Variants in ANXA10 observed in about 807,000 individuals in gnomAD.
ANXA10 encodes the protein annexin A10, also known as annexin 14.
A neutral mutation model predicts 53.5 loss-of-function variants in ANXA10; 49 were observed. The ratio of observed to expected loss-of-function variants is 0.92; its 90% confidence interval spans 0.73 to 1.16. The LOEUF is 1.16. ANXA10 is among the 50% of genes most tolerant of loss of function. The probability of loss-of-function intolerance (pLI) is 0.00; values close to 1 mark genes in which losing one functional copy is unlikely to be tolerated. For missense variants in ANXA10, 393 were observed against 394.4 expected, an observed-to-expected ratio of 1.00 and a Z score of 0.03; for synonymous variants, 131 against 128.9, an observed-to-expected ratio of 1.02 and a Z score of -0.11.
In ANXA10 at chr4:168,187,534, C is replaced by G. The variant is rs565680074; in HGVS notation, c.*100C>G. The G allele has an allele frequency of 7.8e-6, 5 of 643,888 alleles. No individual in the cohort carries two copies. The highest frequency in any genetic ancestry group is 1.2e-5 in the Non-Finnish European group (5 of 400,564). 39.9% of individuals were successfully genotyped at this position (643,888 alleles called of 1,614,324 possible). On this transcript the variant is annotated 3_prime_UTR_variant, in exon 12 of 12. Coordinates refer to ENST00000359299, the MANE Select transcript of ANXA10 (RefSeq NM_007193.5). ...ACTGTTCATGGCACTATTAACAAAA[C>G]TATACAATCATATTTTCTCTTCTAT...
intron 1 of ANXA10, among the ~76,000 whole-genome samples, chr4:168,108,464 A>AC (rs1358494663): frequency 6.6e-6 from 1 of 152,082 alleles, no homozygotes; most frequent in African/African-American, 2.4e-5. Flanking sequence ...TTTCTTTGGG[A>AC]CCATTATAGG....
At chr4:168,165,516 A>C (rs904309146) in intron 6 of ANXA10, among the ~76,000 whole-genome samples, 190 bp downstream of exon 6, 2 of 152,110 alleles carry the variant, frequency 1.3e-5, no homozygotes, top group Non-Finnish European at 2.9e-5. Context: ...GTTAAAGACA[A>C]ATATGGATAA....
intron 6 of ANXA10, among the ~76,000 whole-genome samples, chr4:168,165,602 T>G (rs1166161341): frequency 6.6e-6 from 1 of 152,112 alleles, no homozygotes; most frequent in Non-Finnish European, 1.5e-5. Context: ...TATAATTAAT[T>G]TTATATTCTG....
At chr4:168,147,506 G>C (rs1731424689) in intron 3 of ANXA10, among the ~76,000 whole-genome samples, 1 of 152,164 alleles carries the variant, frequency 6.6e-6, no homozygotes, top group African/African-American at 2.4e-5. Context: ...ATAGGTAGTA[G>C]CACTTCTTAC....
chr4:168,137,167 A>G (rs1253439812), intron 2 of ANXA10, among the ~76,000 whole-genome samples: 3 of 152,186 alleles, frequency 2.0e-5, no homozygotes, highest in African/African-American at 7.2e-5. Flanking sequence ...CCATTTAAAC[A>G]CTAATCAGCT....
intron 3 of ANXA10, among the ~76,000 whole-genome samples, chr4:168,150,380 G>A (rs933826639): frequency 6.6e-6 from 1 of 152,098 alleles, no homozygotes; most frequent in African/African-American, 2.4e-5. Flanking sequence ...GCAAAGTGAC[G>A]AAGCAACTTG....
chr4:168,169,517 G>A (rs1473716692), intron 6 of ANXA10, among the ~76,000 whole-genome samples: 2 of 152,158 alleles, frequency 1.3e-5, no homozygotes, highest in African/African-American at 2.4e-5. Flanking sequence ...TCCCATAGGT[G>A]TTGATCCCAA....
intron 6 of ANXA10, among the ~76,000 whole-genome samples, chr4:168,176,839 A>G (rs1212956445): frequency 6.9e-6 from 1 of 145,794 alleles, no homozygotes; most frequent in Non-Finnish European, 1.5e-5. Flanking sequence ...TCTTTTTGAG[A>G]AAAAAAAAAA....
intron 3 of ANXA10, among the ~76,000 whole-genome samples, chr4:168,145,082 G>T (rs1412580364): frequency 6.6e-6 from 1 of 152,144 alleles, no homozygotes; most frequent in Non-Finnish European, 1.5e-5. Context: ...AGTCAAAGCT[G>T]TCCTCCTCCA....
chr4:168,162,549 G>C lies in ANXA10; in HGVS notation c.217G>C (p.Glu73Gln), dbSNP rs1731804419. ...YGRDLIGDMR[E>Q]QLSDHFKDVM... is the part of the protein sequence containing the mutation. ...ACAGGACCTGATTGGGGATATGAGG[G>C]AGCAGCTTTCGGATCACTTCAAAGA... Residue 73 changes from glutamate to glutamine, a missense_variant, in exon 4 of 12, where the codon GAG becomes CAG. Transcript: ENST00000359299. 5 of 1,613,824 alleles carry C rather than the reference G, an allele frequency of 3.1e-6. No individual in the cohort carries two copies. Among genetic ancestry groups the C allele is most frequent in the Non-Finnish European group, 4.2e-6 (5 of 1,179,848 alleles).
intron 3 of ANXA10, among the ~76,000 whole-genome samples, chr4:168,151,446 G>A (rs1731495384): frequency 6.6e-6 from 1 of 152,130 alleles, no homozygotes; most frequent in Non-Finnish European, 1.5e-5. Flanking sequence ...TGCAGCAAGG[G>A]TAGTCTGCAG....
chr4:168,147,315 T>C (rs1428837355), intron 3 of ANXA10, among the ~76,000 whole-genome samples: 1 of 152,180 alleles, frequency 6.6e-6, no homozygotes, highest in Non-Finnish European at 1.5e-5. Context: ...AAGAGTCCAA[T>C]AGCAGGCCAG....
chr4:168,134,591 C>A (rs145656328), intron 2 of ANXA10, among the ~76,000 whole-genome samples: 10 of 152,222 alleles, frequency 6.6e-5, no homozygotes, highest in African/African-American at 2.2e-4. Flanking sequence ...TTTAGAATGT[C>A]CATCATGCCA....
At chr4:168,119,372 C>T (rs1730950294) in intron 1 of ANXA10, among the ~76,000 whole-genome samples, 1 of 152,126 alleles carries the variant, frequency 6.6e-6, no homozygotes, top group Non-Finnish European at 1.5e-5. Context: ...TTGCAGATGT[C>T]CTTGACTCAT....
At chr4:168,168,565 A>C (rs1157709416) in intron 6 of ANXA10, among the ~76,000 whole-genome samples, 2 of 152,052 alleles carry the variant, frequency 1.3e-5, no homozygotes, top group Admixed American at 6.5e-5. Context: ...GATTACAGGC[A>C]CGTGCCACCA....
chr4:168,096,932 A>ATGTAT (rs2149463392), intron 1 of ANXA10, among the ~76,000 whole-genome samples: 1 of 141,810 alleles, frequency 7.1e-6, no homozygotes, highest in Non-Finnish European at 1.6e-5. Flanking sequence ...ATATATATGT[A>ATGTAT]TGTATATGTA....
chr4:168,119,630 G>A (rs1284925550), intron 1 of ANXA10, among the ~76,000 whole-genome samples: 1 of 152,044 alleles, frequency 6.6e-6, no homozygotes, highest in African/African-American at 2.4e-5. Context: ...TATGTCTTTG[G>A]TTAATATATG....
intron 1 of ANXA10, among the ~76,000 whole-genome samples, chr4:168,116,996 G>GATACACACACAC (rs1553997131): frequency 4.0e-5 from 6 of 151,014 alleles, no homozygotes; most frequent in Non-Finnish European, 8.9e-5. Flanking sequence ...TTTTCACACA[G>GATACACACACAC]ACACACACAC....
At chr4:168,171,264 T>A (rs1373803656) in intron 6 of ANXA10, among the ~76,000 whole-genome samples, 1 of 152,184 alleles carries the variant, frequency 6.6e-6, no homozygotes, top group Non-Finnish European at 1.5e-5. Flanking sequence ...GGCACCATAG[T>A]GTAATCAAAT....
Sources: allele counts gnomAD v4.1 joint callset (sites outside exome capture counted in the v4.1 genomes callset), GRCh38; gene constraint gnomAD v4.1.1; transcripts MANE v1.5; gene names NCBI Gene and HGNC (gene_info 2026-07-23, HGNC 2026-07-21).